The following EYS variants were observed in gnomAD, a reference collection of about 807,000 sequenced individuals.
The protein encoded by EYS is protein eyes shut homolog.
A neutral mutation model predicts 282.1 loss-of-function variants in EYS; 250 were observed. That is an observed-to-expected ratio of 0.89 (90% CI 0.80 to 0.98). The LOEUF (loss-of-function observed/expected upper bound fraction) is 0.98, where lower values mean the gene tolerates loss of function less well. Among genes scored for constraint, EYS ranks in the 50% least tolerant of loss-of-function variants. The probability of loss-of-function intolerance (pLI) is 0.00; values close to 1 mark genes in which losing one functional copy is unlikely to be tolerated. For synonymous variants in EYS, 1,355 were observed against 1,282.9 expected (o/e 1.06, Z -1.20); for missense variants, 4,016 against 3,709.0 (o/e 1.08, Z -2.15).
chr6:63,959,727 C>G (rs1765972403), intron 35 of EYS, among the ~76,000 whole-genome samples: 1 of 152,088 alleles, frequency 6.6e-6, no homozygotes, highest in African/African-American at 2.4e-5. Context: ...ATGGATGAAG[C>G]TGGAAGCCAT....
At chr6:65,546,547 T>G in intron 2 of EYS, among the ~76,000 whole-genome samples, 1 of 147,284 alleles carries the variant, frequency 6.8e-6, no homozygotes, top group Non-Finnish European at 1.5e-5. Flanking sequence ...CATTTGTATT[T>G]TTTTATTTTT....
chr6:65,300,781 ACAGT>A (rs1771209383), intron 11 of EYS: 3 of 152,228 alleles, frequency 2.0e-5, no homozygotes, highest in Non-Finnish European at 4.4e-5. Flanking sequence ...CCACTCAGTG[ACAGT>A]CAGGGGAAGT....
At position 65,645,606 on chromosome 6, in the gene EYS, T is replaced by C. The variant is rs890303178; in HGVS notation, c.-447-5714A>G. On this transcript the variant is annotated intron_variant, in intron 1 of 42. Coordinates refer to ENST00000503581, the MANE Select transcript of EYS (RefSeq NM_001142800.2). ...AAGGGCACAAATAGACAATCTAAGG[T>C]CACACCTCATGGAACCAGAGAAACA... Among the ~76,000 whole-genome samples, 3 of 151,768 alleles carry C rather than the reference T, an allele frequency of 2.0e-5. No individual in the cohort carries two copies. In the East Asian group the frequency reaches 5.8e-4, roughly 29 times the overall value.
rs1014733568 is a variant in EYS, at chr6:65,494,229, G to T, written c.748+434C>A. Among the ~76,000 whole-genome samples the T allele has an allele frequency of 5.9e-5, 9 of 151,612 alleles. 1 individual carries two copies. In the East Asian group the frequency reaches 1.4e-3, roughly 23 times the overall value. The stretch of plus-strand genomic sequence containing the variant: ...GAATCTATATCCAGCCAAATCCAAG[G>T]AATCTATTAAATTTTTTATTTATTT... On this transcript the variant is annotated intron_variant, in intron 4 of 42. Transcript: ENST00000503581.
At chr6:64,613,293 C>T (rs985330874) in intron 24 of EYS, among the ~76,000 whole-genome samples, 1 of 151,984 alleles carries the variant, frequency 6.6e-6, no homozygotes, top group Non-Finnish European at 1.5e-5. Flanking sequence ...ATTAGAACAA[C>T]AAAATCCTTT....
chr6:63,845,081 T>A (rs1156631518), intron 36 of EYS, among the ~76,000 whole-genome samples: 1 of 152,178 alleles, frequency 6.6e-6, no homozygotes, highest in African/African-American at 2.4e-5. Flanking sequence ...TGCATTTGGG[T>A]GGCCATGAAC....
intron 35 of EYS, among the ~76,000 whole-genome samples, chr6:63,917,128 G>A (rs1764442960): frequency 6.6e-6 from 1 of 152,238 alleles, no homozygotes; most frequent in African/African-American, 2.4e-5. Context: ...GCAGTGTCAT[G>A]TAACTGTGTG....
At chr6:64,426,228 C>T (rs533569292) in intron 28 of EYS, among the ~76,000 whole-genome samples, 1 of 152,330 alleles carries the variant, frequency 6.6e-6, no homozygotes, top group South Asian at 2.1e-4. Context: ...TGACCATTGT[C>T]TCACACTGCT....
chr6:65,480,512 T>C (rs1765568915), intron 5 of EYS, among the ~76,000 whole-genome samples: 1 of 152,140 alleles, frequency 6.6e-6, no homozygotes, highest in African/African-American at 2.4e-5. Context: ...TTTCTGCCAT[T>C]TCCTCAAATG....
intron 14 of EYS, among the ~76,000 whole-genome samples, chr6:64,985,853 T>C (rs370244895): frequency 1.3e-5 from 2 of 151,384 alleles, no homozygotes; most frequent in East Asian, 3.9e-4. Context: ...GTATAAAAAC[T>C]AACTGTGGAA....
At chr6:63,988,311 G>T (rs565288420) in intron 34 of EYS, among the ~76,000 whole-genome samples, 2 of 151,698 alleles carry the variant, frequency 1.3e-5, no homozygotes, top group East Asian at 3.9e-4. Flanking sequence ...TGACAAGTGT[G>T]CTCTTTAAGC....
At chr6:65,280,917 T>C (rs1401024603) in intron 12 of EYS, among the ~76,000 whole-genome samples, 1 of 147,868 alleles carries the variant, frequency 6.8e-6, no homozygotes, top group Non-Finnish European at 1.5e-5. Flanking sequence ...GTGCCTGTAA[T>C]CCTAGCTACT....
intron 14 of EYS, among the ~76,000 whole-genome samples, chr6:64,975,154 C>T (rs1194402922): frequency 2.6e-5 from 4 of 151,728 alleles, no homozygotes; most frequent in African/African-American, 4.8e-5. Context: ...AATCATTTAG[C>T]TGCTCATCCT....
At chr6:64,172,230 T>C (rs1353720522) in intron 31 of EYS, among the ~76,000 whole-genome samples, 1 of 152,114 alleles carries the variant, frequency 6.6e-6, no homozygotes, top group East Asian at 1.9e-4. Flanking sequence ...TTAATTCTGG[T>C]AAGAACACTT....
rs9451935 is a variant in EYS, at chr6:64,536,178, A to C, written c.5644+54045T>G. 6.7e-3 allele frequency among the ~76,000 whole-genome samples: 1,024 copies of C among 152,262 alleles called. 15 individuals are homozygous for C. Among genetic ancestry groups the C allele is most frequent in the African/African-American group, 0.024 (983 of 41,564 alleles). ...TCATTCATATCTTTTTGATAAAAAA[A>C]CTATATTAACTAATGATAAATAATT... On this transcript the variant is annotated intron_variant, in intron 26 of 42. Transcript: ENST00000503581.
At chr6:65,253,100 A>G (rs1002583825) in intron 12 of EYS, among the ~76,000 whole-genome samples, 3 of 152,010 alleles carry the variant, frequency 2.0e-5, no homozygotes, top group Admixed American at 1.3e-4. Flanking sequence ...ATAAATCCAT[A>G]GATTCAATAA....
intron 13 of EYS, among the ~76,000 whole-genome samples, chr6:65,038,961 T>C (rs1384242700): frequency 1.3e-5 from 2 of 151,550 alleles, no homozygotes; most frequent in African/African-American, 4.8e-5. Context: ...TGTTTGTAAG[T>C]ATTTTCTCTC....
intron 14 of EYS, among the ~76,000 whole-genome samples, chr6:64,984,792 A>G (rs1770798362): frequency 6.6e-6 from 1 of 151,426 alleles, no homozygotes; most frequent in Non-Finnish European, 1.5e-5. Flanking sequence ...TCCAGGTTTT[A>G]TTCTTATCCA....
chr6:65,226,754 A>C (rs1268145020), intron 12 of EYS, among the ~76,000 whole-genome samples: 1 of 152,232 alleles, frequency 6.6e-6, no homozygotes, highest in African/African-American at 2.4e-5. Context: ...GTATGACCCA[A>C]GAATTTTATT....
Sources: gnomAD v4.1 joint callset for allele counts (sites outside exome capture counted in the v4.1 genomes callset) on GRCh38, gnomAD v4.1.1 for gene constraint, MANE v1.5 for transcripts, NCBI Gene and HGNC (gene_info 2026-07-23, HGNC 2026-07-21) for gene names.